WWOX: variants seen among roughly 807,000 people sequenced by gnomAD.
WWOX encodes WW domain containing oxidoreductase, also known as WW domain-containing oxidoreductase.
In WWOX, 69 loss-of-function variants were observed where a neutral mutation model predicts 46.2. That is an observed-to-expected ratio of 1.49 (90% CI 1.23 to 1.82). The LOEUF (loss-of-function observed/expected upper bound fraction) is 1.82, where lower values mean the gene tolerates loss of function less well. Among genes scored for constraint, WWOX ranks in the 40% most tolerant of loss-of-function variants. The probability of loss-of-function intolerance (pLI) is 0.00; values close to 1 mark genes in which losing one functional copy is unlikely to be tolerated. For synonymous variants in WWOX, 359 were observed against 202.6 expected (o/e 1.77, Z -6.56); for missense variants, 919 against 542.6 (o/e 1.69, Z -6.89).
At chr16:78,374,927 C>G (rs1041245541) in intron 5 of WWOX, among the ~76,000 whole-genome samples, 2 of 152,096 alleles carry the variant, frequency 1.3e-5, no homozygotes, top group East Asian at 1.9e-4. Context: ...CTTAGGTGAT[C>G]TGCCTACCTC....
intron 8 of WWOX, among the ~76,000 whole-genome samples, chr16:78,449,804 C>A (rs1488797041): frequency 6.6e-6 from 1 of 152,060 alleles, no homozygotes; most frequent in Non-Finnish European, 1.5e-5. Flanking sequence ...GTAGAAGGGG[C>A]CCTTGTTAAT....
intron 8 of WWOX, among the ~76,000 whole-genome samples, chr16:78,734,059 G>T (rs1030520544): frequency 6.7e-6 from 1 of 149,884 alleles, no homozygotes; most frequent in African/African-American, 2.5e-5. Flanking sequence ...GATCCTGTCT[G>T]GAAAAAAAAA....
At chr16:78,560,440 C>T (rs1408867225) in intron 8 of WWOX, among the ~76,000 whole-genome samples, 2 of 152,118 alleles carry the variant, frequency 1.3e-5, no homozygotes, top group African/African-American at 4.8e-5. Flanking sequence ...GTCAGGAGTT[C>T]AAAACCAGCC....
At chr16:78,989,655 C>G (rs955087703) in intron 8 of WWOX, among the ~76,000 whole-genome samples, 2 of 152,054 alleles carry the variant, frequency 1.3e-5, no homozygotes, top group Non-Finnish European at 2.9e-5. Context: ...CAGTTGGGAC[C>G]CTTTGCAAGA....
At chr16:78,146,385 C>G (rs1325830784) in intron 4 of WWOX, among the ~76,000 whole-genome samples, 2 of 152,064 alleles carry the variant, frequency 1.3e-5, no homozygotes, top group African/African-American at 4.8e-5. Flanking sequence ...CTACCAAGAC[C>G]CTCTTTTTGG....
At chr16:78,755,618 G>A (rs139627910) in intron 8 of WWOX, among the ~76,000 whole-genome samples, 368 of 152,274 alleles carry the variant, frequency 2.4e-3, no homozygotes, top group Middle Eastern at 6.8e-3. Context: ...GGATTCCTGT[G>A]TGATTTGTCA....
At chr16:79,031,886 C>CTATA (rs764963292) in intron 8 of WWOX, among the ~76,000 whole-genome samples, 21 of 55,180 alleles carry the variant, frequency 3.8e-4, no homozygotes, top group African/African-American at 9.3e-4. Context: ...ATACAGATAT[C>CTATA]TGTATACAGA....
intron 5 of WWOX, among the ~76,000 whole-genome samples, chr16:78,250,522 A>G (rs1411254391): frequency 6.6e-6 from 1 of 152,160 alleles, no homozygotes; most frequent in Non-Finnish European, 1.5e-5. Flanking sequence ...CTTATTGGGT[A>G]CATATGCTGT....
At chr16:78,157,269 C>G (rs2151727943) in intron 4 of WWOX, among the ~76,000 whole-genome samples, 1 of 152,246 alleles carries the variant, frequency 6.6e-6, no homozygotes, top group Non-Finnish European at 1.5e-5. Context: ...ATCTCATTAG[C>G]CTGATTGATG....
intron 5 of WWOX, among the ~76,000 whole-genome samples, chr16:78,169,148 T>A (rs1393473155): frequency 2.0e-5 from 3 of 152,222 alleles, no homozygotes; most frequent in Non-Finnish European, 4.4e-5. Context: ...CACATCCTTA[T>A]GTGAATTATA....
intron 5 of WWOX, among the ~76,000 whole-genome samples, chr16:78,251,815 A>G (rs907880414): frequency 6.6e-6 from 1 of 152,160 alleles, no homozygotes; most frequent in Admixed American, 6.5e-5. Flanking sequence ...CACTTATCTC[A>G]GTAAGGTTTA....
chr16:78,679,973 A>G (rs1344535976), intron 8 of WWOX, among the ~76,000 whole-genome samples: 1 of 152,204 alleles, frequency 6.6e-6, no homozygotes, highest in Non-Finnish European at 1.5e-5. Context: ...GACCTGGCTT[A>G]GGACCCCAGC....
chr16:78,881,716 A>G (rs567138986), intron 8 of WWOX, among the ~76,000 whole-genome samples: 3 of 152,356 alleles, frequency 2.0e-5, no homozygotes, highest in African/African-American at 7.2e-5. Context: ...TCACTTAAGA[A>G]GTAATAGAAT....
At chr16:79,171,460 T>G (rs796450317) in intron 8 of WWOX, among the ~76,000 whole-genome samples, 3 of 152,328 alleles carry the variant, frequency 2.0e-5, no homozygotes, top group African/African-American at 7.2e-5. Flanking sequence ...AGAAGTTTTT[T>G]GTCGGTGTCA....
intron 8 of WWOX, among the ~76,000 whole-genome samples, chr16:78,497,405 G>C (rs1196346920): frequency 1.3e-5 from 2 of 152,210 alleles, no homozygotes; most frequent in African/African-American, 4.8e-5. Context: ...ACACTGGTCT[G>C]CACAATGAGT....
chr16:78,663,670 A>G (rs931158138), intron 8 of WWOX, among the ~76,000 whole-genome samples: 8 of 152,212 alleles, frequency 5.3e-5, no homozygotes, highest in South Asian at 2.1e-4. Flanking sequence ...GTGTCTTGAC[A>G]TGTCTGACAT....
intron 8 of WWOX, among the ~76,000 whole-genome samples, chr16:79,200,057 A>C (rs2051316435): frequency 6.6e-6 from 1 of 152,090 alleles, no homozygotes. Flanking sequence ...CAAGCTCCTC[A>C]CCTGAGCCCT....
intron 8 of WWOX, among the ~76,000 whole-genome samples, chr16:78,599,598 T>C (rs527363799): frequency 1.4e-4 from 22 of 152,286 alleles, no homozygotes; most frequent in Non-Finnish European, 1.0e-4. Flanking sequence ...CTGACACAGT[T>C]TGGGGAGAAA....
chr16:78,979,948 G>A (rs1203825626), intron 8 of WWOX, among the ~76,000 whole-genome samples: 1 of 152,142 alleles, frequency 6.6e-6, no homozygotes, highest in Non-Finnish European at 1.5e-5. Context: ...CTAACATGGT[G>A]AAACCCCATC....
Sources: gnomAD v4.1 joint callset for allele counts (sites outside exome capture counted in the v4.1 genomes callset) on GRCh38, gnomAD v4.1.1 for gene constraint, MANE v1.5 for transcripts, NCBI Gene and HGNC (gene_info 2026-07-23, HGNC 2026-07-21) for gene names.